Variants in ZNF536 observed in about 807,000 individuals in gnomAD.
The protein encoded by ZNF536 is zinc finger protein 536.
In ZNF536, 13 loss-of-function variants were observed where a neutral mutation model predicts 84.5. That is an observed-to-expected ratio of 0.15 (90% CI 0.10 to 0.24). ZNF536 has a LOEUF of 0.24. Ranked by LOEUF, ZNF536 falls within the 10% of genes least tolerant of loss-of-function variation. ZNF536 has a pLI of 1.00. For missense variants in ZNF536, 1,536 were observed against 1,747.5 expected (o/e 0.88, Z 2.16); for synonymous variants, 811 against 742.5 (o/e 1.09, Z -1.50).
rs566113997 is a variant in ZNF536, at chr19:30,575,256, C to T, written c.169+25742C>T. 2.6e-5 allele frequency among the ~76,000 whole-genome samples: 4 copies of T among 152,328 alleles called. No individual in the cohort carries two copies. In the South Asian group the frequency reaches 8.3e-4, roughly 32 times the overall value. On this transcript the variant is annotated intron_variant, in intron 1 of 1. Transcript: ENST00000592773. ...CAGCCAGAAGCCCTAGACCTGTGAACCTGTTTCTCCTTTGCTATGCCCCGC... is the reference window on the plus strand; with the variant it reads ...CAGCCAGAAGCCCTAGACCTGTGAATCTGTTTCTCCTTTGCTATGCCCCGC...
rs2148218473 is a variant in ZNF536 at position 30,445,283 on chromosome 19, C to T, written c.1721C>T (p.Ser574Phe). The change falls in exon 2 of 5, where the codon TCC becomes TTC. Residue 574 changes from serine (S) to phenylalanine (F), a missense_variant. Ser to Phe is a radical substitution (Grantham distance 155). Around this residue, in one of 8 missense-constraint regions of ZNF536, gnomAD observed 366 missense variants for 364.4 expected, o/e 1.00. Coordinates refer to ENST00000355537, the MANE Select transcript of ZNF536 (RefSeq NM_014717.3). This position sits in a 1 kb window ranked among gnomAD's most constrained non-coding sequence, Gnocchi z 4.5. ...REYVLVGADG[S>F]KQKMPADLVH... is the part of the protein sequence containing the mutation. ...TACGTGTTAGTGGGAGCAGATGGCTCCAAGCAGAAAATGCCTGCTGATTTG... is the reference window on the plus strand; with the variant it reads ...TACGTGTTAGTGGGAGCAGATGGCTTCAAGCAGAAAATGCCTGCTGATTTG... 1 of 1,614,152 alleles carries T rather than the reference C, an allele frequency of 6.2e-7. No homozygotes were observed. Among genetic ancestry groups the T allele is most frequent in the Non-Finnish European group, 8.5e-7 (1 of 1,180,032 alleles).
chr19:30,241,419 A>T (rs1260898073), intron 1 of ZNF536, among the ~76,000 whole-genome samples: 1 of 152,212 alleles, frequency 6.6e-6, no homozygotes, highest in African/African-American at 2.4e-5. Context: ...GATACAGCAG[A>T]ATGGGAGTGG....
chr19:30,412,043 T>G (rs1260312594), intron 1 of ZNF536, among the ~76,000 whole-genome samples: 1 of 146,092 alleles, frequency 6.8e-6, no homozygotes, highest in Non-Finnish European at 1.5e-5. Flanking sequence ...CTTACAATTG[T>G]TTTTTTTTAT....
At chr19:30,516,026 C>CAAA (rs553504551) in intron 2 of ZNF536, among the ~76,000 whole-genome samples, 9,568 of 75,376 alleles carry the variant, frequency 0.13, 640 homozygotes, top group Non-Finnish European at 0.2. Flanking sequence ...GACTCCATCT[C>CAAA]AAAAAAAAAA....
intron 1 of ZNF536, among the ~76,000 whole-genome samples, chr19:30,601,362 A>T (rs1401592432): frequency 6.6e-6 from 1 of 152,146 alleles, no homozygotes; most frequent in Admixed American, 6.5e-5. Context: ...CATTCTAGAA[A>T]GTCCGTGTTC....
At chr19:30,237,210 G>A (rs1186683871) in intron 1 of ZNF536, among the ~76,000 whole-genome samples, 1 of 152,028 alleles carries the variant, frequency 6.6e-6, no homozygotes, top group African/African-American at 2.4e-5. Flanking sequence ...CACAATTTTT[G>A]TGTGATCTCC....
intron 1 of ZNF536, among the ~76,000 whole-genome samples, chr19:30,409,004 G>GTCCATCCATCCATCCA (rs370424061): frequency 9.7e-5 from 13 of 134,206 alleles, no homozygotes; most frequent in African/African-American, 3.7e-4. Flanking sequence ...TCATCCATTG[G>GTCCATCCATCCATCCA]TCCATCCATC....
intron 2 of ZNF536, among the ~76,000 whole-genome samples, chr19:30,477,866 T>A (rs1408334207): frequency 6.6e-6 from 1 of 152,206 alleles, no homozygotes; most frequent in African/African-American, 2.4e-5. Flanking sequence ...TTGTTATAAG[T>A]GACCTCGGTG....
intron 1 of ZNF536, among the ~76,000 whole-genome samples, chr19:30,608,185 G>C (rs530052483): frequency 6.6e-6 from 1 of 152,290 alleles, no homozygotes; most frequent in African/African-American, 2.4e-5. Context: ...GGTATGACAA[G>C]CACAGAAGTA....
chr19:30,573,526 T>G (rs1362534553), intron 1 of ZNF536, among the ~76,000 whole-genome samples: 1 of 152,142 alleles, frequency 6.6e-6, no homozygotes, highest in Non-Finnish European at 1.5e-5. Flanking sequence ...GGTTGAAACT[T>G]AGAAGATTGG....
upstream of ZNF536, among the ~76,000 whole-genome samples, chr19:30,370,238 A>G (rs1332127822): frequency 2.0e-5 from 3 of 152,266 alleles, 1 homozygote; most frequent in East Asian, 5.8e-4. Flanking sequence ...TGATTAGTGG[A>G]GTGCTATACT....
At chr19:30,512,998 G>A (rs946196919) in intron 2 of ZNF536, among the ~76,000 whole-genome samples, 1 of 152,036 alleles carries the variant, frequency 6.6e-6, no homozygotes, top group Admixed American at 6.6e-5. Flanking sequence ...ATTTTTAAAA[G>A]CTTATGCCTT....
chr19:30,594,947 T>G (rs2047406523), intron 1 of ZNF536, among the ~76,000 whole-genome samples: 1 of 152,064 alleles, frequency 6.6e-6, no homozygotes. Flanking sequence ...CATGCCTGTG[T>G]GCTCAGTGCT....
At chr19:30,640,892 G>T (rs947728316) in intron 1 of ZNF536, among the ~76,000 whole-genome samples, 9 of 152,204 alleles carry the variant, frequency 5.9e-5, no homozygotes, top group Non-Finnish European at 1.2e-4. Context: ...TGGGGAGCAC[G>T]TCTCCTGGGG....
intron 2 of ZNF536, among the ~76,000 whole-genome samples, chr19:30,293,653 G>C (rs180708840): frequency 1.0e-3 from 156 of 152,316 alleles, no homozygotes; most frequent in African/African-American, 3.6e-3. Flanking sequence ...CTTACCCTTA[G>C]AGTTTTCTGG....
At chr19:30,457,007 G>A (rs2052880685) in intron 2 of ZNF536, among the ~76,000 whole-genome samples, 1 of 143,390 alleles carries the variant, frequency 7.0e-6, no homozygotes, top group South Asian at 2.2e-4. Flanking sequence ...ACACCACTGC[G>A]CTCCAGCCTA....
At chr19:30,452,971 G>A (rs931753684) in intron 2 of ZNF536, among the ~76,000 whole-genome samples, 3 of 135,222 alleles carry the variant, frequency 2.2e-5, no homozygotes, top group African/African-American at 8.1e-5. Context: ...CAAGAGGGGT[G>A]CATGGTGTCG....
chr19:30,658,047 G>A (rs1478321503), intron 1 of ZNF536, among the ~76,000 whole-genome samples: 4 of 139,776 alleles, frequency 2.9e-5, no homozygotes, highest in Non-Finnish European at 6.1e-5. Flanking sequence ...CCTTCAGATC[G>A]TGTCTCGCTG....
At position 30,377,636 on chromosome 19, in the gene ZNF536, G is replaced by T. The variant is rs11084547; in HGVS notation, c.-3+5080G>T. 7.2e-5 allele frequency among the ~76,000 whole-genome samples: 11 copies of T among 151,994 alleles called. No homozygotes were observed. The South Asian group carries it at 2.3e-3, about 32-fold the overall frequency. ...ATGGGGAGATGTGCTCTGCTACAAG[G>T]GTTTGTGAAAAGGGAGTAATTTTCT... On this transcript the variant is annotated intron_variant, in intron 1 of 4. Coordinates refer to ENST00000355537, the MANE Select transcript of ZNF536 (RefSeq NM_014717.3).
Sources: gnomAD v4.1 joint callset for allele counts (sites outside exome capture counted in the v4.1 genomes callset) on GRCh38, gnomAD v4.1.1 for gene constraint, gnomAD v4.1.1 regional missense constraint, Gnocchi (gnomAD v3.1) non-coding constraint, MANE v1.5 for transcripts, NCBI Gene and HGNC (gene_info 2026-07-23, HGNC 2026-07-21) for gene names.